MAPK10: variants seen among roughly 807,000 people sequenced by gnomAD.
MAPK10 encodes the protein JNK3 alpha protein kinase.
A neutral mutation model predicts 59.3 loss-of-function variants in MAPK10; 25 were observed. That is an observed-to-expected ratio of 0.42 (90% CI 0.31 to 0.59). The LOEUF (loss-of-function observed/expected upper bound fraction) is 0.59, where lower values mean the gene tolerates loss of function less well. Ranked by LOEUF, MAPK10 falls within the 20% of genes least tolerant of loss-of-function variation. The probability of loss-of-function intolerance (pLI) is 0.15; values close to 1 mark genes in which losing one functional copy is unlikely to be tolerated. For missense variants in MAPK10, 351 were observed against 568.9 expected, an observed-to-expected ratio of 0.62 and a Z score of 3.90; for synonymous variants, 190 against 200.5, an observed-to-expected ratio of 0.95 and a Z score of 0.44.
chr4:86,022,336 G>C (rs983983166), intron 13 of MAPK10, among the ~76,000 whole-genome samples: 1 of 152,210 alleles, frequency 6.6e-6, no homozygotes, highest in African/African-American at 2.4e-5. Flanking sequence ...GCATTTGCCT[G>C]ATAGCTAATA....
intron 3 of MAPK10, among the ~76,000 whole-genome samples, chr4:86,188,454 T>C (rs1313407475): frequency 6.6e-6 from 1 of 152,246 alleles, no homozygotes; most frequent in Non-Finnish European, 1.5e-5. Flanking sequence ...TGGCATGAGA[T>C]GTTATCTCAT....
chr4:86,405,935 G>A (rs903071510), intron 1 of MAPK10, among the ~76,000 whole-genome samples: 4 of 152,090 alleles, frequency 2.6e-5, no homozygotes, highest in Non-Finnish European at 5.9e-5. Flanking sequence ...ATTTGCAGGC[G>A]TCTTTTTAAC....
intron 4 of MAPK10, among the ~76,000 whole-genome samples, chr4:86,116,661 C>G (rs760452999): frequency 3.3e-5 from 5 of 152,144 alleles, no homozygotes; most frequent in Non-Finnish European, 7.4e-5. Context: ...TGGCATTCTC[C>G]CTCTGTCTGG....
Position 86,017,477 on chromosome 4 carries a change from A to G in MAPK10, c.1253-107T>C. On this transcript the variant is annotated intron_variant, in intron 13 of 13. Coordinates refer to ENST00000641462, the MANE Select transcript of MAPK10 (RefSeq NM_138982.4). The surrounding 1 kb of genome is among the most constrained non-coding windows in gnomAD (Gnocchi z 4.4). ...AAATACAATAGGGGATGTCCAGTCC[A>G]TCAATCATTTGGCAAGCCTTTATAG... The G allele has an allele frequency of 8.0e-7, 1 of 1,253,990 alleles. No individual in the cohort carries two copies. The highest frequency in any genetic ancestry group is 1.1e-6 in the Non-Finnish European group (1 of 882,678). 77.7% of individuals were successfully genotyped at this position (1,253,990 alleles called of 1,614,324 possible).
intron 9 of MAPK10, chr4:86,095,691 G>A (rs146297201): frequency 6.6e-6 from 1 of 151,884 alleles, no homozygotes; most frequent in East Asian, 1.9e-4. Flanking sequence ...GAGGTTATCT[G>A]ACTGCTCAGT....
At chr4:86,024,427 A>G (rs1368312704) in intron 13 of MAPK10, 1 of 152,234 alleles carries the variant, frequency 6.6e-6, no homozygotes, top group African/African-American at 2.4e-5. Flanking sequence ...TTTCAAAATC[A>G]GCATATTTTC....
At chr4:86,302,840 TGGAG>T (rs1241018785) in intron 2 of MAPK10, among the ~76,000 whole-genome samples, 2 of 152,170 alleles carry the variant, frequency 1.3e-5, no homozygotes, top group African/African-American at 4.8e-5. Flanking sequence ...GGTAAGGAAG[TGGAG>T]GTAATGCTAA....
chr4:86,578,808 C>T (rs1161665557), intron 1 of MAPK10, among the ~76,000 whole-genome samples: 1 of 151,580 alleles, frequency 6.6e-6, no homozygotes, highest in Non-Finnish European at 1.5e-5. Flanking sequence ...ACGTCTTGCA[C>T]CTCAAGTTCC....
chr4:86,314,497 A>G (rs527950823), intron 2 of MAPK10, among the ~76,000 whole-genome samples: 2 of 151,800 alleles, frequency 1.3e-5, no homozygotes, highest in South Asian at 4.2e-4. Flanking sequence ...AGTGCCTTTC[A>G]CCTCCCACCA....
intron 1 of MAPK10, among the ~76,000 whole-genome samples, chr4:86,570,836 A>C (rs1188725854): frequency 6.6e-6 from 1 of 152,168 alleles, no homozygotes; most frequent in Non-Finnish European, 1.5e-5. Context: ...TGGGCAGAGG[A>C]GTCACCAAGA....
intron 1 of MAPK10, among the ~76,000 whole-genome samples, chr4:86,479,628 C>T (rs1046201259): frequency 4.6e-5 from 7 of 152,124 alleles, no homozygotes; most frequent in Non-Finnish European, 8.8e-5. Flanking sequence ...CTGGTGCTAT[C>T]CCCAAACCGC....
chr4:86,428,005 T>A (rs1747525502), intron 1 of MAPK10, among the ~76,000 whole-genome samples: 1 of 152,216 alleles, frequency 6.6e-6, no homozygotes, highest in Admixed American at 6.5e-5. Flanking sequence ...ACTTCTAGTA[T>A]CAGCAACACC....
chr4:86,042,327 G>T lies in MAPK10; in HGVS notation c.1111-10896C>A, dbSNP rs143462560. Among the ~76,000 whole-genome samples, 200 of 152,262 alleles carry T rather than the reference G, an allele frequency of 1.3e-3. 1 individual carries two copies. Among genetic ancestry groups the T allele is most frequent in the African/African-American group, 4.7e-3 (195 of 41,552 alleles). ...ATCACACACCAGGACCTGTCAGAGG[G>T]TTGGGGGCAAGGGAAGGGAGAGCAT... On this transcript the variant is annotated intron_variant, in intron 11 of 13. Coordinates refer to ENST00000641462, the MANE Select transcript of MAPK10 (RefSeq NM_138982.4).
intron 1 of MAPK10, among the ~76,000 whole-genome samples, chr4:86,576,651 G>T (rs1046512918): frequency 6.6e-6 from 1 of 152,028 alleles, no homozygotes; most frequent in South Asian, 2.1e-4. Context: ...GCGGGTGCCT[G>T]TAGTCCCAGC....
intron 1 of MAPK10, among the ~76,000 whole-genome samples, chr4:86,436,938 C>A (rs1295183645): frequency 6.6e-6 from 1 of 152,040 alleles, no homozygotes; most frequent in Non-Finnish European, 1.5e-5. Flanking sequence ...TTTGGCCAGG[C>A]CTGGTGGCTC....
chr4:86,337,367 A>G (rs1361486757), intron 2 of MAPK10, among the ~76,000 whole-genome samples: 1 of 152,204 alleles, frequency 6.6e-6, no homozygotes, highest in East Asian at 1.9e-4. Context: ...GGAAGTGCTA[A>G]TCACATATGA....
intron 2 of MAPK10, among the ~76,000 whole-genome samples, chr4:86,202,690 AC>A (rs111746549): frequency 0.017 from 2,607 of 152,008 alleles, 96 homozygotes; most frequent in African/African-American, 0.058. Flanking sequence ...TCAGTTCTCT[AC>A]TGCTGAAGTG....
At chr4:86,382,238 C>T (rs1465808829) in intron 1 of MAPK10, among the ~76,000 whole-genome samples, 4 of 151,948 alleles carry the variant, frequency 2.6e-5, no homozygotes, top group Admixed American at 6.6e-5. Context: ...AGCAGAGAGA[C>T]GAATGGAGGG....
At chr4:86,127,512 T>G (rs2060266949) in intron 4 of MAPK10, 2 of 152,018 alleles carry the variant, frequency 1.3e-5, no homozygotes, top group Non-Finnish European at 2.9e-5. Context: ...TAAATATGTA[T>G]ATAATTAGGA....
Sources: gnomAD v4.1 joint callset for allele counts (sites outside exome capture counted in the v4.1 genomes callset) on GRCh38, gnomAD v4.1.1 for gene constraint, Gnocchi (gnomAD v3.1) non-coding constraint, MANE v1.5 for transcripts, NCBI Gene and HGNC (gene_info 2026-07-23, HGNC 2026-07-21) for gene names.